The following XPNPEP1 variants were observed in gnomAD, a reference collection of about 807,000 sequenced individuals.
The protein encoded by XPNPEP1 is X-prolyl aminopeptidase 1.
In XPNPEP1, 39 loss-of-function variants were observed where a neutral mutation model predicts 92.4. That is an observed-to-expected ratio of 0.42 (90% confidence interval 0.33 to 0.55). The LOEUF is 0.55. Ranked by LOEUF, XPNPEP1 falls within the 20% of genes least tolerant of loss-of-function variation. The probability of loss-of-function intolerance (pLI) is 0.08; values close to 1 mark genes in which losing one functional copy is unlikely to be tolerated. For missense variants in XPNPEP1, 654 were observed against 856.1 expected (o/e 0.76, Z 2.95); for synonymous variants, 307 against 299.4 (o/e 1.03, Z -0.26).
rs534577166 is a variant in XPNPEP1 at position 109,909,390 on chromosome 10, T to C, written c.122-1575A>G. Among the ~76,000 whole-genome samples, 11 of 152,294 alleles carry C rather than the reference T, an allele frequency of 7.2e-5. No homozygotes were observed. The South Asian group carries it at 2.3e-3, about 32-fold the overall frequency. ...AAACCAGAGTTGGAATCACCAGCTT[T>C]AGAAAATACAAAATAGGAATAGAAA... On this transcript the variant is annotated intron_variant, in intron 2 of 20. Transcript: ENST00000502935.
chr10:109,919,913 T>A (rs530900623), intron 1 of XPNPEP1, among the ~76,000 whole-genome samples: 5 of 152,128 alleles, frequency 3.3e-5, no homozygotes, highest in African/African-American at 1.2e-4. Context: ...ACACCTGTAG[T>A]CCCAGCTACT....
intron 19 of XPNPEP1, 71 bp from the exon 20 acceptor site, chr10:109,868,783 A>T (rs986264930): frequency 7.1e-7 from 1 of 1,415,840 alleles, no homozygotes. Flanking sequence ...AGGTCATTCC[A>T]CCAGCATGCC....
chr10:109,869,615 A>G lies in XPNPEP1; in HGVS notation c.1773+338T>C, dbSNP rs541928283. On this transcript the variant is annotated intron_variant, in intron 19 of 20. Coordinates refer to ENST00000502935, the MANE Select transcript of XPNPEP1 (RefSeq NM_020383.4). ...TAGCAGAAGAGACAACAGGCCGCCT[A>G]TAGTAAACTCAGAGCCCCAAATCAT... Among the ~76,000 whole-genome samples the G allele has an allele frequency of 4.5e-3, 680 of 152,320 alleles. 7 individuals are homozygous for G. Among genetic ancestry groups the G allele is most frequent in the African/African-American group, 0.015 (637 of 41,570 alleles).
Position 109,873,394 on chromosome 10 carries a change from A to G in XPNPEP1, c.1425T>C (p.His475=). ...DGTTDVTRTM[H]FGTPTAYEKE... ...TCTCGTAGGCTGTAGGGGTCCCAAA[A>G]TGCATTGTCCGCGTCACATCTGTGG... Residue 475 remains histidine, a synonymous_variant, in exon 16 of 21, where the codon CAT becomes CAC. Coordinates refer to ENST00000502935, the MANE Select transcript of XPNPEP1 (RefSeq NM_020383.4). 3 of 1,614,134 alleles carry G rather than the reference A, an allele frequency of 1.9e-6. No homozygotes were observed. Among genetic ancestry groups the G allele is most frequent in the South Asian group, 1.1e-5 (1 of 91,082 alleles).
intron 6 of XPNPEP1, 71 bp downstream of exon 6, chr10:109,888,432 A>T: frequency 6.9e-7 from 1 of 1,454,438 alleles, no homozygotes; most frequent in Non-Finnish European, 9.4e-7. Context: ...CCCCACAAGC[A>T]AATGAGGAGA....
intron 10 of XPNPEP1, among the ~76,000 whole-genome samples, chr10:109,881,902 C>T (rs1158354518): frequency 6.6e-6 from 1 of 152,200 alleles, no homozygotes; most frequent in African/African-American, 2.4e-5. Flanking sequence ...CCCCAACTCC[C>T]CAATCCTCTC....
intron 3 of XPNPEP1, among the ~76,000 whole-genome samples, chr10:109,901,867 C>T (rs1377394649): frequency 1.3e-5 from 2 of 152,148 alleles, no homozygotes; most frequent in South Asian, 2.1e-4. Context: ...AATGTAAAAA[C>T]TTCCCATATT....
In XPNPEP1 at chr10:109,909,410, T is replaced by C. The variant is rs533040767; in HGVS notation, c.122-1595A>G. Among the ~76,000 whole-genome samples, 116 of 152,204 alleles carry C rather than the reference T, an allele frequency of 7.6e-4. 1 individual carries two copies. Among genetic ancestry groups the C allele is most frequent in the Admixed American group, 1.5e-3 (23 of 15,290 alleles). ...AGCTTTAGAAAATACAAAATAGGAA[T>C]AGAAATATAAAACTAATTAAAATGA... On this transcript the variant is annotated intron_variant, in intron 2 of 20. Transcript: ENST00000502935.
chr10:109,907,092 G>A (rs1485465604), intron 3 of XPNPEP1, among the ~76,000 whole-genome samples: 2 of 152,174 alleles, frequency 1.3e-5, no homozygotes, highest in East Asian at 1.9e-4. Flanking sequence ...TTATACATAA[G>A]TAAAGGCTGG....
intron 20 of XPNPEP1, among the ~76,000 whole-genome samples, chr10:109,866,699 C>T (rs950664384): frequency 2.0e-5 from 3 of 152,080 alleles, no homozygotes; most frequent in Non-Finnish European, 2.9e-5. Context: ...TAAGTGATGA[C>T]GATGCAGACC....
At chr10:109,906,178 TCACACAGACACA>T (rs539578078) in intron 3 of XPNPEP1, among the ~76,000 whole-genome samples, 402 of 152,200 alleles carry the variant, frequency 2.6e-3, no homozygotes, top group Non-Finnish European at 4.3e-3. Context: ...ATGTCTGACA[TCACACAGACACA>T]CACACAGACA....
chr10:109,893,114 G>A (rs1270471425), intron 3 of XPNPEP1, 39 bp from the exon 4 acceptor site: 4 of 1,585,442 alleles, frequency 2.5e-6, no homozygotes, highest in Admixed American at 1.7e-5. Flanking sequence ...GCCTCGATCA[G>A]TCATGAGCAG....
chr10:109,908,231 T>C (rs1479509022), intron 2 of XPNPEP1, among the ~76,000 whole-genome samples: 2 of 152,240 alleles, frequency 1.3e-5, no homozygotes, highest in East Asian at 3.8e-4. Context: ...CATTAAAAAT[T>C]ACACAGACCT....
intron 14 of XPNPEP1, 165 bp downstream of exon 14, chr10:109,877,625 T>G (rs1246361441): frequency 1.2e-5 from 10 of 857,002 alleles, no homozygotes; most frequent in African/African-American, 1.7e-5. Context: ...GCTTGGGGAT[T>G]GGGAGAAAAT....
At chr10:109,898,277 G>A (rs892123568) in intron 3 of XPNPEP1, among the ~76,000 whole-genome samples, 3 of 152,190 alleles carry the variant, frequency 2.0e-5, no homozygotes, top group African/African-American at 4.8e-5. Context: ...AGCAATTAGC[G>A]CATGCCGAAC....
In XPNPEP1 at chr10:109,871,773, G is replaced by A. The variant is rs1847494009; in HGVS notation, c.1522+19C>T. The A allele has an allele frequency of 1.9e-6, 3 of 1,608,074 alleles. No individual in the cohort carries two copies. The highest frequency in any genetic ancestry group is 1.7e-5 in the Admixed American group (1 of 59,152). On this transcript the variant is annotated intron_variant, in intron 17 of 20. Transcript: ENST00000502935. Reference sequence around the variant, plus strand: ...AAACAAGAAAAAGAGCCTGCCATGTGACAGAATGCACCACCTACCTTTGGT... The same window carrying A: ...AAACAAGAAAAAGAGCCTGCCATGTAACAGAATGCACCACCTACCTTTGGT...
intron 8 of XPNPEP1, among the ~76,000 whole-genome samples, chr10:109,885,597 G>A (rs1255022493): frequency 6.6e-6 from 1 of 152,130 alleles, no homozygotes; most frequent in Non-Finnish European, 1.5e-5. Context: ...ACTGCAGTAG[G>A]GTCTCATTCT....
In XPNPEP1 at chr10:109,918,907, G is replaced by T. The variant is rs564984376; in HGVS notation, c.33-3808C>A. ...AGGAAGGAAGGAAGGAAGGAAGGAAGGAAGGAAGGAGAGAGAGAAAAAAGA... is the reference window on the plus strand; with the variant it reads ...AGGAAGGAAGGAAGGAAGGAAGGAATGAAGGAAGGAGAGAGAGAAAAAAGA... On this transcript the variant is annotated intron_variant, in intron 1 of 20. Coordinates refer to ENST00000502935, the MANE Select transcript of XPNPEP1 (RefSeq NM_020383.4). Among the ~76,000 whole-genome samples, 512 of 83,048 alleles carry T rather than the reference G, an allele frequency of 6.2e-3. 4 individuals carry two copies. The highest frequency in any genetic ancestry group is 8.5e-3 in the Non-Finnish European group (328 of 38,510). 54.5% of individuals were successfully genotyped at this position (83,048 alleles called of 152,430 possible).
intron 16 of XPNPEP1, among the ~76,000 whole-genome samples, 188 bp downstream of exon 16, chr10:109,873,179 T>G (rs3740140): frequency 0.19 from 29,242 of 152,168 alleles, 3,215 homozygotes; most frequent in South Asian, 0.39. Flanking sequence ...TAAAAATTTC[T>G]CCAAATGTCT....
Sources: allele counts gnomAD v4.1 joint callset (sites outside exome capture counted in the v4.1 genomes callset), GRCh38; gene constraint gnomAD v4.1.1; transcripts MANE v1.5; gene names NCBI Gene and HGNC (gene_info 2026-07-23, HGNC 2026-07-21).